The following SUGCT variants were observed in gnomAD, a reference collection of about 807,000 sequenced individuals.
SUGCT encodes the protein succinyl-CoA:glutarate CoA-transferase.
A neutral mutation model predicts 55.0 loss-of-function variants in SUGCT; 41 were observed. The ratio of observed to expected loss-of-function variants is 0.74; its 90% CI spans 0.58 to 0.97. The LOEUF (loss-of-function observed/expected upper bound fraction) is 0.97. Ranked by LOEUF, SUGCT falls within the 50% of genes least tolerant of loss-of-function variation. The pLI is 0.00. For synonymous variants in SUGCT, 187 were observed against 200.4 expected, an observed-to-expected ratio of 0.93 and a Z score of 0.56; for missense variants, 568 against 547.8, an observed-to-expected ratio of 1.04 and a Z score of -0.37.
At chr7:40,887,529 T>C in the SUGCT span, among the ~76,000 whole-genome samples, 1 of 152,194 alleles carries the variant, frequency 6.6e-6, no homozygotes, top group Admixed American at 6.5e-5. Flanking sequence ...GAAAGTCTCC[T>C]AAGTTTCTGG....
At chr7:40,873,564 TC>T in the SUGCT span, among the ~76,000 whole-genome samples, 1 of 152,232 alleles carries the variant, frequency 6.6e-6, no homozygotes, top group Non-Finnish European at 1.5e-5. Flanking sequence ...TTCTCACACT[TC>T]AGTCATTCCT....
chr7:40,844,813 T>C (rs1480480454), intron 13 of SUGCT, among the ~76,000 whole-genome samples: 1 of 152,176 alleles, frequency 6.6e-6, no homozygotes, highest in Non-Finnish European at 1.5e-5. Flanking sequence ...TAGCTAGCAT[T>C]AGGCTGGCTG....
chr7:41,007,477 AGTATT>A, the SUGCT span, among the ~76,000 whole-genome samples: 1 of 152,184 alleles, frequency 6.6e-6, no homozygotes, highest in Non-Finnish European at 1.5e-5. Context: ...TCTGGCCAAG[AGTATT>A]GTTCCTGCTG....
intron 12 of SUGCT, among the ~76,000 whole-genome samples, chr7:40,501,431 G>GTTTT (rs765087843): frequency 4.9e-4 from 75 of 152,194 alleles, no homozygotes; most frequent in Non-Finnish European, 8.8e-4. Context: ...AACTTCCTGT[G>GTTTT]TTATTATTTA....
chr7:40,147,316 ACCC>A (rs1386774390), intron 1 of SUGCT, among the ~76,000 whole-genome samples: 1 of 151,834 alleles, frequency 6.6e-6, no homozygotes, highest in South Asian at 2.1e-4. Context: ...TTGAGGTTCA[ACCC>A]CCCCATCATG....
rs1787191245 is a variant in SUGCT, at chr7:40,419,509, A to G, written c.817-29778A>G. On this transcript the variant is annotated intron_variant, in intron 9 of 13. Transcript: ENST00000335693. ...TTCCTCATTTATTTATTTCTTTATTATTTCTGGCTACAAAGCTGTACAAAG... is the reference window on the plus strand; with the variant it reads ...TTCCTCATTTATTTATTTCTTTATTGTTTCTGGCTACAAAGCTGTACAAAG... Among the ~76,000 whole-genome samples, 2 of 152,162 alleles carry G rather than the reference A, an allele frequency of 1.3e-5. 1 individual carries two copies. The highest frequency in any genetic ancestry group is 4.8e-5 in the African/African-American group (2 of 41,452).
intron 12 of SUGCT, among the ~76,000 whole-genome samples, chr7:40,602,098 A>C (rs577147945): frequency 6.6e-6 from 1 of 152,190 alleles, no homozygotes; most frequent in Non-Finnish European, 1.5e-5. Context: ...AACTCTGTTG[A>C]GTGAAATAGA....
intron 10 of SUGCT, among the ~76,000 whole-genome samples, chr7:40,458,705 C>T (rs911803140): frequency 6.6e-6 from 1 of 152,118 alleles, no homozygotes; most frequent in African/African-American, 2.4e-5. Flanking sequence ...TAGATATGCA[C>T]TTAGGATATT....
chr7:40,136,474 G>C (rs549659943), intron 1 of SUGCT, among the ~76,000 whole-genome samples: 1 of 152,160 alleles, frequency 6.6e-6, no homozygotes, highest in Non-Finnish European at 1.5e-5. Context: ...TATCCTCCTT[G>C]ATGAATGGAG....
At chr7:40,613,735 C>G (rs1244360072) in intron 12 of SUGCT, among the ~76,000 whole-genome samples, 3 of 152,160 alleles carry the variant, frequency 2.0e-5, no homozygotes, top group African/African-American at 7.2e-5. Flanking sequence ...CCCAGCCTCC[C>G]AAGTAGCTGG....
chr7:40,162,400 A>G lies in SUGCT; in HGVS notation c.101-18547A>G, dbSNP rs117674160. On this transcript the variant is annotated intron_variant, in intron 1 of 13. Coordinates refer to ENST00000335693, the MANE Select transcript of SUGCT (RefSeq NM_001193313.2). The stretch of plus-strand genomic sequence containing the variant: ...AGAAGGCTTACTTACAGGTTGATCA[A>G]TTGTAGGAAAGAATACCTATGGAAG... Among the ~76,000 whole-genome samples, 463 of 152,280 alleles carry G rather than the reference A, an allele frequency of 3.0e-3. 10 individuals carry two copies. Among genetic ancestry groups the G allele is most frequent in the East Asian group, 0.024 (122 of 5,176 alleles).
chr7:40,139,136 A>AATC (rs1787847815), intron 1 of SUGCT, among the ~76,000 whole-genome samples: 1 of 64,192 alleles, frequency 1.6e-5, no homozygotes, highest in African/African-American at 8.5e-5. Context: ...AAAAATAAAT[A>AATC]AATAAATAAA....
chr7:40,516,142 G>T, intron 12 of SUGCT, among the ~76,000 whole-genome samples: 1 of 151,100 alleles, frequency 6.6e-6, no homozygotes, highest in East Asian at 2.0e-4. Flanking sequence ...AGGTATTATT[G>T]ACGCGTTGTC....
chr7:40,717,211 C>T (rs1786068133), intron 12 of SUGCT, among the ~76,000 whole-genome samples: 1 of 152,166 alleles, frequency 6.6e-6, no homozygotes, highest in African/African-American at 2.4e-5. Context: ...AGAACTTTCT[C>T]CTTAGTTCAG....
At chr7:40,917,100 G>T in the SUGCT span, among the ~76,000 whole-genome samples, 2 of 152,222 alleles carry the variant, frequency 1.3e-5, no homozygotes, top group Non-Finnish European at 2.9e-5. Flanking sequence ...GACATCAGGA[G>T]TTCCTCAATC....
At chr7:40,773,269 C>T (rs1263114937) in intron 13 of SUGCT, among the ~76,000 whole-genome samples, 1 of 151,980 alleles carries the variant, frequency 6.6e-6, no homozygotes, top group African/African-American at 2.4e-5. Context: ...GCTGGGATTA[C>T]AGGCACCTGC....
At chr7:40,679,685 T>C (rs1417100162) in intron 12 of SUGCT, among the ~76,000 whole-genome samples, 2 of 152,178 alleles carry the variant, frequency 1.3e-5, no homozygotes, top group Non-Finnish European at 2.9e-5. Flanking sequence ...TCCATTAACA[T>C]TGGAAAATTT....
intron 12 of SUGCT, among the ~76,000 whole-genome samples, chr7:40,620,549 C>T (rs1397590833): frequency 2.6e-5 from 4 of 151,976 alleles, no homozygotes; most frequent in Non-Finnish European, 4.4e-5. Context: ...ATTACAGGCA[C>T]CTGCCACCGT....
chr7:40,635,746 C>A (rs1348633837), intron 12 of SUGCT, among the ~76,000 whole-genome samples: 2 of 152,134 alleles, frequency 1.3e-5, no homozygotes, highest in Non-Finnish European at 2.9e-5. Flanking sequence ...AACGAAGGGG[C>A]AAGTTATCAA....
Sources: gnomAD v4.1 joint callset for allele counts (sites outside exome capture counted in the v4.1 genomes callset) on GRCh38, gnomAD v4.1.1 for gene constraint, MANE v1.5 for transcripts, NCBI Gene and HGNC (gene_info 2026-07-23, HGNC 2026-07-21) for gene names.